CP: variants seen among roughly 807,000 people sequenced by gnomAD.
CP encodes the protein ceruloplasmin.
A neutral mutation model predicts 122.4 loss-of-function variants in CP; 64 were observed. The ratio of observed to expected loss-of-function variants is 0.52; its 90% CI spans 0.43 to 0.64. CP has a LOEUF of 0.64. Ranked by LOEUF, CP falls within the 30% of genes least tolerant of loss-of-function variation. The probability of loss-of-function intolerance (pLI) is 0.00; values close to 1 mark genes in which losing one functional copy is unlikely to be tolerated. For synonymous variants in CP, 440 were observed against 436.4 expected, an observed-to-expected ratio of 1.01 and a Z score of -0.10; for missense variants, 1,167 against 1,284.4, an observed-to-expected ratio of 0.91 and a Z score of 1.40.
rs552507804 is a variant in CP at position 149,206,976 on chromosome 3, A to G, written c.1036+387T>C. ...AGGAAGGATTTATCGAGTTAAACTAAGGGATGGCCAGGCTCAAATAAAGAA... is the reference window on the plus strand; with the variant it reads ...AGGAAGGATTTATCGAGTTAAACTAGGGGATGGCCAGGCTCAAATAAAGAA... On this transcript the variant is annotated intron_variant, in intron 5 of 18. Transcript: ENST00000264613. 4.6e-3 allele frequency among the ~76,000 whole-genome samples: 699 copies of G among 152,316 alleles called. 3 individuals carry two copies. The highest frequency in any genetic ancestry group is 7.4e-3 in the Non-Finnish European group (503 of 68,008).
intron 14 of CP, among the ~76,000 whole-genome samples, chr3:149,181,565 A>G (rs1725775239): frequency 6.6e-6 from 1 of 152,220 alleles, no homozygotes; most frequent in African/African-American, 2.4e-5. Flanking sequence ...TTTATTAAAG[A>G]AACATTTGAT....
rs1479997325 is a variant in CP, at chr3:149,176,254, A to C, written c.3177T>G (p.Asn1059Lys). The C allele has an allele frequency of 6.2e-7, 1 of 1,611,888 alleles. No individual in the cohort carries two copies. Among genetic ancestry groups the C allele is most frequent in the Non-Finnish European group, 8.5e-7 (1 of 1,179,454 alleles). The change falls in exon 18 of 19, where the codon AAT becomes AAG. Residue 1059 changes from asparagine (N) to lysine (K), a missense_variant. By Grantham distance (94) the Asn-to-Lys change is moderately conservative. This residue lies in a region of CP where 525 missense variants were observed against 657.2 expected (regional missense o/e 0.80). Transcript: ENST00000264613. ...AATTACTACCTGGATATTCACCTTC[A>C]TTTTGTAGAACGGTGTAAGTGGTTT... ...GMETTYTVLQ[N>K]EDTKSG
rs376958969 is a variant in CP at position 149,206,125 on chromosome 3, G to C, written c.1208+43C>G. 169 of 1,582,630 alleles carry C rather than the reference G, an allele frequency of 1.1e-4. No individual in the cohort carries two copies. In the African/African-American group the frequency reaches 1.9e-3, roughly 18 times the overall value. On this transcript the variant is annotated intron_variant, in intron 6 of 18. Coordinates refer to ENST00000264613, the MANE Select transcript of CP (RefSeq NM_000096.4). The stretch of plus-strand genomic sequence containing the variant: ...AGCCTTTTGTAGTTCCTTTGTGCGG[G>C]GGAGAGCATATTTTGAAATAGTACT...
In CP at chr3:149,199,793, T is replaced by G; in HGVS notation, c.1420A>C (p.Ser474Arg). The change falls in exon 8 of 19, where the codon AGT (serine) becomes CGT (arginine). Residue 474 changes from serine to arginine, a missense_variant. Around this residue, in one of 2 missense-constraint regions of CP, gnomAD observed 642 missense variants for 627.3 expected, o/e 1.02. Transcript: ENST00000264613. ...TFHNKGAYPL[S>R]IEPIGVRFNK... ...AATCTCACCCCAATCGGCTCAATAC[T>G]GAGGGGATATGCTCCTTTGTTATGG... 6.2e-7 allele frequency: 1 copy of G among 1,614,162 alleles called. No homozygotes were observed. Among genetic ancestry groups the G allele is most frequent in the Non-Finnish European group, 8.5e-7 (1 of 1,179,980 alleles).
In CP at chr3:149,176,013, A is replaced by G. The variant is rs1725393532; in HGVS notation, c.3181+237T>C. ...GCTTTAAGTATAATTACACATTTGTATTAACTTAGAAATGACTGGTGCTGT... is the reference window on the plus strand; with the variant it reads ...GCTTTAAGTATAATTACACATTTGTGTTAACTTAGAAATGACTGGTGCTGT... On this transcript the variant is annotated intron_variant, in intron 18 of 18. Coordinates refer to ENST00000264613, the MANE Select transcript of CP (RefSeq NM_000096.4). 9.4e-6 allele frequency: 5 copies of G among 531,362 alleles called. 1 individual carries two copies. In the East Asian group the frequency reaches 9.8e-5, roughly 10 times the overall value. 32.9% of individuals were successfully genotyped at this position (531,362 alleles called of 1,614,324 possible).
intron 7 of CP, among the ~76,000 whole-genome samples, chr3:149,201,714 G>A (rs1727333845): frequency 1.3e-5 from 2 of 151,802 alleles, no homozygotes; most frequent in African/African-American, 2.4e-5. Flanking sequence ...CCTCAGCATC[G>A]AGGCACAAGA....
At chr3:149,193,528 G>A (rs541522217) in intron 9 of CP, among the ~76,000 whole-genome samples, 1 of 151,976 alleles carries the variant, frequency 6.6e-6, no homozygotes, top group Admixed American at 6.6e-5. Context: ...TTTGTGTTGA[G>A]ACTATTTTCT....
In CP at chr3:149,207,186, A is replaced by G. The variant is rs185328897; in HGVS notation, c.1036+177T>C. ...ATATATTTTCAAATTTCATTACTTTATAATATTCCTGTCTTACAGTCTTTT... is the reference window on the plus strand; with the variant it reads ...ATATATTTTCAAATTTCATTACTTTGTAATATTCCTGTCTTACAGTCTTTT... On this transcript the variant is annotated intron_variant, in intron 5 of 18. Transcript: ENST00000264613. Among the ~76,000 whole-genome samples, 99 of 152,304 alleles carry G rather than the reference A, an allele frequency of 6.5e-4. 2 individuals are homozygous for G. Among genetic ancestry groups the G allele is most frequent in the African/African-American group, 2.2e-3 (92 of 41,570 alleles).
At chr3:149,190,841 T>C (rs1337628167) in intron 9 of CP, among the ~76,000 whole-genome samples, 1 of 152,186 alleles carries the variant, frequency 6.6e-6, no homozygotes, top group Non-Finnish European at 1.5e-5. Flanking sequence ...TATTAATATC[T>C]GAAAAAGCAA....
chr3:149,218,713 C>T (rs1728618766), intron 1 of CP, among the ~76,000 whole-genome samples: 1 of 152,106 alleles, frequency 6.6e-6, no homozygotes, highest in Admixed American at 6.5e-5. Context: ...CTTTTATTTA[C>T]TCATTTAAAC....
intron 18 of CP, among the ~76,000 whole-genome samples, chr3:149,174,971 A>G (rs1559933112): frequency 6.6e-6 from 1 of 152,030 alleles, no homozygotes; most frequent in South Asian, 2.1e-4. Context: ...TTTCTTAACC[A>G]AGCAGTAATC....
chr3:149,188,490 C>CAAAAAAAAAAAAAAAAAAA (rs60815739), intron 9 of CP, among the ~76,000 whole-genome samples: 1 of 46,102 alleles, frequency 2.2e-5, no homozygotes, highest in Non-Finnish European at 4.4e-5. Flanking sequence ...TTGAAGCCTC[C>CAAAAAAAAAAAAAAAAAAA]AAAAAAAAAA....
chr3:149,198,420 T>A lies in CP; in HGVS notation c.1660A>T (p.Ile554Phe), dbSNP rs1247670167. ...EPTKDIFTGL[I>F]GPMKICKKGS... ...TTCTTGCATATTTTCATTGGCCCAATAAGCCCAGTGAATATATCTTTAGTG... is the reference window on the plus strand; with the variant it reads ...TTCTTGCATATTTTCATTGGCCCAAAAAGCCCAGTGAATATATCTTTAGTG... Residue 554 changes from isoleucine to phenylalanine, a missense_variant, in exon 9 of 19, where the codon ATT (isoleucine) becomes TTT (phenylalanine). This residue lies in a region of CP where 525 missense variants were observed against 657.2 expected (regional missense o/e 0.80). Transcript: ENST00000264613. The A allele has an allele frequency of 1.9e-6, 3 of 1,613,742 alleles. No homozygotes were observed. Among genetic ancestry groups the A allele is most frequent in the Non-Finnish European group, 2.5e-6 (3 of 1,179,712 alleles).
In CP at chr3:149,207,494, T is replaced by C; in HGVS notation, c.905A>G (p.Gln302Arg). 2 of 1,614,008 alleles carry C rather than the reference T, an allele frequency of 1.2e-6. No individual in the cohort carries two copies. Among genetic ancestry groups the C allele is most frequent in the Non-Finnish European group, 1.7e-6 (2 of 1,179,896 alleles). The change falls in exon 5 of 19, where the codon CAA becomes CGA. Residue 302 changes from glutamine (Q) to arginine (R), a missense_variant. Around this residue, in one of 2 missense-constraint regions of CP, gnomAD observed 642 missense variants for 627.3 expected, o/e 1.02. Transcript: ENST00000264613. The stretch of plus-strand genomic sequence containing the variant: ...ACGGTAGTTCTTGTTAGTCAGTGCT[T>C]GCCCGTGAAAGAAAGCTGCGTGCAC... ...VDVHAAFFHG[Q>R]ALTNKNYRID...
At chr3:149,206,711 G>A (rs1727753155) in intron 5 of CP, among the ~76,000 whole-genome samples, 1 of 152,086 alleles carries the variant, frequency 6.6e-6, no homozygotes, top group African/African-American at 2.4e-5. Context: ...GGAGGAGGAG[G>A]TACAAGGAGG....
At position 149,185,240 on chromosome 3, in the gene CP, T is replaced by A; in HGVS notation, c.2284A>T (p.Asn762Tyr). The A allele has an allele frequency of 6.2e-7, 1 of 1,612,392 alleles. No individual in the cohort carries two copies. The highest frequency in any genetic ancestry group is 1.1e-5 in the South Asian group (1 of 91,014). Residue 762 changes from asparagine to tyrosine, a missense_variant and splice_region_variant, in exon 12 of 19, where the codon AAT (asparagine) becomes TAT (tyrosine). By Grantham distance (143) the Asn-to-Tyr change is moderately radical (BLOSUM62 -2). Around this residue, in one of 2 missense-constraint regions of CP, gnomAD observed 525 missense variants for 657.2 expected, o/e 0.80. Coordinates refer to ENST00000264613, the MANE Select transcript of CP (RefSeq NM_000096.4). ...EKELHHLQEQ[N>Y]VSNAFLDKGE... ...GGGAATCAGAGTCTGGAGAATTACT[T>A]CTGCTCTTGTAAATGATGCAGCTCC...
intron 17 of CP, 105 bp from the exon 18 acceptor site, chr3:149,176,517 GT>G: frequency 1.0e-6 from 1 of 961,916 alleles, no homozygotes; most frequent in East Asian, 2.6e-5. Context: ...GGATAAATCT[GT>G]TTTTAAAAAA....
intron 12 of CP, 93 bp from the exon 13 acceptor site, chr3:149,183,698 T>C: frequency 4.5e-6 from 4 of 898,410 alleles, no homozygotes; most frequent in Non-Finnish European, 6.7e-6. Context: ...ATATAGTTTT[T>C]ATTAGAGTAA....
intron 4 of CP, chr3:149,167,364 C>A: frequency 1.3e-6 from 1 of 756,544 alleles, no homozygotes; most frequent in Non-Finnish European, 2.3e-6. Flanking sequence ...TGTGTGGGTC[C>A]ATTGAGCATA....
Sources: gnomAD v4.1 joint callset for allele counts (sites outside exome capture counted in the v4.1 genomes callset) on GRCh38, gnomAD v4.1.1 for gene constraint, gnomAD v4.1.1 regional missense constraint, MANE v1.5 for transcripts, NCBI Gene and HGNC (gene_info 2026-07-23, HGNC 2026-07-21) for gene names.